The following DNAAF5 variants were observed in gnomAD, a reference collection of about 807,000 sequenced individuals.
DNAAF5 encodes the protein HEAT repeat containing 2.
A neutral mutation model predicts 75.8 loss-of-function variants in DNAAF5; 64 were observed. The ratio of observed to expected loss-of-function variants is 0.84; its 90% CI spans 0.69 to 1.04. The LOEUF is 1.04. DNAAF5 is among the 50% of genes least tolerant of loss of function. The pLI is 0.00. For synonymous variants in DNAAF5, 657 were observed against 557.2 expected, an observed-to-expected ratio of 1.18 and a Z score of -2.52; for missense variants, 1,269 against 1,178.5, an observed-to-expected ratio of 1.08 and a Z score of -1.12.
At chr7:746,285 G>T (rs1782102207) in intron 4 of DNAAF5, among the ~76,000 whole-genome samples, 1 of 44,850 alleles carries the variant, frequency 2.2e-5, no homozygotes, top group Non-Finnish European at 4.1e-5. Flanking sequence ...CCCCCTGCCC[G>T]CTGGGCCCAG....
intron 8 of DNAAF5, among the ~76,000 whole-genome samples, chr7:767,490 T>G (rs1404727216): frequency 6.6e-6 from 1 of 152,246 alleles, no homozygotes; most frequent in Non-Finnish European, 1.5e-5. Flanking sequence ...CATAATTTAA[T>G]AGAAATTGTA....
chr7:782,716 TC>T (rs1779011725), intron 12 of DNAAF5, among the ~76,000 whole-genome samples: 1 of 99,566 alleles, frequency 1.0e-5, no homozygotes, highest in Non-Finnish European at 2.0e-5. Context: ...AGAAACTCGA[TC>T]TTCCTGGCGT....
intron 11 of DNAAF5, 38 bp from the exon 12 acceptor site, chr7:779,915 C>T (rs751130888): frequency 6.3e-7 from 1 of 1,575,842 alleles, no homozygotes; most frequent in African/African-American, 1.3e-5. Context: ...GAAATGTCTG[C>T]TCTAGACTCA....
At chr7:769,187 T>C (rs190507097) in intron 8 of DNAAF5, 1 of 774,102 alleles carries the variant, frequency 1.3e-6, no homozygotes, top group Non-Finnish European at 2.4e-6. Context: ...CATCGCGAGG[T>C]CCCCAGCAAC....
chr7:733,792 C>T lies in DNAAF5; in HGVS notation c.780+3945C>T, dbSNP rs558806626. Reference sequence around the variant, plus strand: ...TACAGGTGTGAGCCACTGCGCCTGGCCTTATAGTTTTCATTGTAGAGATCT... The same window carrying T: ...TACAGGTGTGAGCCACTGCGCCTGGTCTTATAGTTTTCATTGTAGAGATCT... On this transcript the variant is annotated intron_variant, in intron 2 of 12. Transcript: ENST00000297440. 2.0e-5 allele frequency among the ~76,000 whole-genome samples: 3 copies of T among 152,270 alleles called. No individual in the cohort carries two copies. The East Asian group carries it at 5.8e-4, about 29-fold the overall frequency.
intron 12 of DNAAF5, among the ~76,000 whole-genome samples, chr7:782,654 AGC>A (rs1779006550): frequency 8.2e-6 from 1 of 122,242 alleles, no homozygotes; most frequent in African/African-American, 3.4e-5. Context: ...CCCGTCACGC[AGC>A]GTCAGAAACT....
At chr7:765,026 C>T (rs944496831) in intron 8 of DNAAF5, among the ~76,000 whole-genome samples, 3 of 152,182 alleles carry the variant, frequency 2.0e-5, no homozygotes, top group Admixed American at 6.5e-5. Context: ...GAAGCTGAAG[C>T]GGGAGGATCC....
chr7:732,252 A>C (rs1026314665), intron 2 of DNAAF5, among the ~76,000 whole-genome samples: 12 of 152,230 alleles, frequency 7.9e-5, no homozygotes, highest in African/African-American at 2.4e-4. Context: ...GCATCTCCCC[A>C]CGCTCACATG....
intron 4 of DNAAF5, among the ~76,000 whole-genome samples, chr7:744,496 C>T (rs557039500): frequency 1.3e-5 from 2 of 152,268 alleles, no homozygotes; most frequent in South Asian, 4.1e-4. Flanking sequence ...GGGCGAAGGA[C>T]ATGAACAGAC....
chr7:745,652 C>G (rs576881562), intron 4 of DNAAF5, among the ~76,000 whole-genome samples: 2 of 151,528 alleles, frequency 1.3e-5, no homozygotes, highest in African/African-American at 4.8e-5. Context: ...CACACACGTA[C>G]ACACTTATCC....
intron 7 of DNAAF5, 46 bp from the exon 8 acceptor site, chr7:763,760 G>T: frequency 6.3e-7 from 1 of 1,598,696 alleles, no homozygotes; most frequent in Non-Finnish European, 8.5e-7. Context: ...GCAGGCTTGA[G>T]CCCTGAGTGT....
intron 12 of DNAAF5, 123 bp from the exon 13 acceptor site, chr7:785,394 G>A (rs1047887978): frequency 2.0e-5 from 21 of 1,040,396 alleles, no homozygotes; most frequent in Middle Eastern, 2.1e-4. Context: ...ACCCAGCAGC[G>A]TCAGGTTATT....
intron 4 of DNAAF5, among the ~76,000 whole-genome samples, chr7:746,127 T>A (rs1782095041): frequency 6.6e-6 from 1 of 152,214 alleles, no homozygotes; most frequent in Admixed American, 6.5e-5. Flanking sequence ...TCTACAGTAT[T>A]TTAAATGTCA....
At chr7:745,960 A>G (rs1458665997) in intron 4 of DNAAF5, among the ~76,000 whole-genome samples, 1 of 152,212 alleles carries the variant, frequency 6.6e-6, no homozygotes, top group Non-Finnish European at 1.5e-5. Flanking sequence ...TAGGCACAGA[A>G]CTTTTGTTTC....
intron 2 of DNAAF5, among the ~76,000 whole-genome samples, chr7:739,546 C>T (rs1236353600): frequency 5.3e-5 from 8 of 152,240 alleles, no homozygotes; most frequent in South Asian, 2.1e-4. Context: ...CCCCGGCAAA[C>T]GCGCCACACA....
At chr7:782,316 C>T (rs1347171909) in intron 12 of DNAAF5, among the ~76,000 whole-genome samples, 1 of 151,446 alleles carries the variant, frequency 6.6e-6, no homozygotes, top group African/African-American at 2.4e-5. Context: ...GTGGCCGCCT[C>T]CCGTCACGCG....
At chr7:740,158 C>T (rs1562377805) in intron 2 of DNAAF5, among the ~76,000 whole-genome samples, 2 of 152,190 alleles carry the variant, frequency 1.3e-5, no homozygotes, top group Admixed American at 6.5e-5. Context: ...TCCCGCTTCC[C>T]TTAAGGAGTG....
At chr7:762,154 A>T (rs930511585) in intron 7 of DNAAF5, among the ~76,000 whole-genome samples, 1 of 152,138 alleles carries the variant, frequency 6.6e-6, no homozygotes, top group Admixed American at 6.5e-5. Flanking sequence ...AAGAAATAAG[A>T]CGTAACCTTT....
chr7:753,486 C>T (rs559404889), intron 4 of DNAAF5, among the ~76,000 whole-genome samples: 24 of 152,332 alleles, frequency 1.6e-4, no homozygotes, highest in African/African-American at 4.8e-4. Context: ...GGAAGCCGGG[C>T]GAAGGACGCA....
Sources: allele counts gnomAD v4.1 joint callset (sites outside exome capture counted in the v4.1 genomes callset), GRCh38; gene constraint gnomAD v4.1.1; transcripts MANE v1.5; gene names NCBI Gene and HGNC (gene_info 2026-07-23, HGNC 2026-07-21).